The following BLTP2 variants were observed in gnomAD, a reference collection of about 807,000 sequenced individuals.
The protein encoded by BLTP2 is U937-associated antigen.
the BLTP2 span, among the ~76,000 whole-genome samples, chr17:28,626,560 C>A: frequency 6.6e-6 from 1 of 152,138 alleles, no homozygotes. Context: ...AATTTTCAGC[C>A]CCCCACCCAA....
chr17:28,639,785 C>T, the BLTP2 span: 7 of 1,444,656 alleles, frequency 4.8e-6, no homozygotes, highest in Non-Finnish European at 6.8e-6. Context: ...AGTATGTTCC[C>T]TCCTTCCACT....
the BLTP2 span, chr17:28,643,595 A>T: frequency 6.2e-7 from 1 of 1,611,152 alleles, no homozygotes; most frequent in Non-Finnish European, 8.5e-7. Flanking sequence ...AGAAGTGAGA[A>T]TATAGGGTAC....
chr17:28,634,751 A>G, the BLTP2 span: 1 of 1,614,112 alleles, frequency 6.2e-7, no homozygotes, highest in East Asian at 2.2e-5. Flanking sequence ...CGCTGGATGT[A>G]GATTTCAATG....
chr17:28,619,493 C>G, the BLTP2 span, among the ~76,000 whole-genome samples: 1 of 152,074 alleles, frequency 6.6e-6, no homozygotes, highest in Admixed American at 6.6e-5. Flanking sequence ...TGATCCTTCC[C>G]AACTACCCAT....
the BLTP2 span, chr17:28,623,941 T>C: frequency 6.2e-7 from 1 of 1,613,890 alleles, no homozygotes; most frequent in Non-Finnish European, 8.5e-7. Context: ...GACACAGCCT[T>C]CTGTCTCTGC....
the BLTP2 span, chr17:28,634,595 T>G: frequency 1.2e-5 from 20 of 1,614,072 alleles, no homozygotes; most frequent in Non-Finnish European, 1.7e-5. Flanking sequence ...GGAAAAGGGC[T>G]GCCTGGATCA....
chr17:28,621,144 G>C, the BLTP2 span: 1 of 1,614,040 alleles, frequency 6.2e-7, no homozygotes, highest in South Asian at 1.1e-5. Context: ...TGCTGGGCTT[G>C]CTGTGCCTCA....
At chr17:28,615,763 G>A in the BLTP2 span, 15 of 1,614,150 alleles carry the variant, frequency 9.3e-6, no homozygotes, top group East Asian at 2.2e-5. Flanking sequence ...GCAGCACCAG[G>A]TTAAGGTCAC....
the BLTP2 span, chr17:28,633,848 C>A: frequency 6.2e-7 from 1 of 1,605,768 alleles, no homozygotes; most frequent in Non-Finnish European, 8.5e-7. Context: ...CCATTTCACC[C>A]ATCACAAACG....
At chr17:28,641,848 G>C in the BLTP2 span, 1 of 1,553,816 alleles carries the variant, frequency 6.4e-7, no homozygotes, top group Non-Finnish European at 8.8e-7. Flanking sequence ...AACAAACCCT[G>C]AGAACAAGGC....
the BLTP2 span, chr17:28,634,216 G>A: frequency 1.2e-6 from 1 of 817,776 alleles, no homozygotes; most frequent in Non-Finnish European, 1.9e-6. Context: ...AGGGCAGGCA[G>A]TTGACACAGC....
chr17:28,640,806 G>A, the BLTP2 span: 2 of 861,616 alleles, frequency 2.3e-6, no homozygotes, highest in African/African-American at 3.4e-5. Context: ...TGCCTAAGCT[G>A]GATGGACCAT....
At chr17:28,633,241 A>G in the BLTP2 span, 4 of 1,598,342 alleles carry the variant, frequency 2.5e-6, no homozygotes, top group Non-Finnish European at 3.4e-6. Context: ...CTCCAACCTG[A>G]GCCCCTCATC....
chr17:28,617,063 A>T, the BLTP2 span: 18 of 1,304,806 alleles, frequency 1.4e-5, no homozygotes, highest in Middle Eastern at 2.0e-4. Flanking sequence ...GCAACCCACA[A>T]ATCCTCTGCA....
At chr17:28,630,027 A>C in the BLTP2 span, among the ~76,000 whole-genome samples, 1 of 151,908 alleles carries the variant, frequency 6.6e-6, no homozygotes, top group African/African-American at 2.4e-5. Context: ...ATGCCTGGCT[A>C]ATTTTTTTGT....
chr17:28,617,926 A>ATTTTCT, the BLTP2 span, among the ~76,000 whole-genome samples: 1 of 127,654 alleles, frequency 7.8e-6, no homozygotes, highest in Non-Finnish European at 1.7e-5. Context: ...ACCACACCCA[A>ATTTTCT]TTTTCTTTTT....
At chr17:28,628,321 G>A in the BLTP2 span, 16 of 1,614,070 alleles carry the variant, frequency 9.9e-6, no homozygotes, top group Non-Finnish European at 1.4e-5. Flanking sequence ...AACACGAGGT[G>A]GGGCTGAGGC....
the BLTP2 span, among the ~76,000 whole-genome samples, chr17:28,628,929 G>C: frequency 6.7e-6 from 1 of 149,734 alleles, no homozygotes; most frequent in Non-Finnish European, 1.5e-5. Context: ...GAGAGACGCA[G>C]TCTCAAAAAA....
chr17:28,627,299 T>C, the BLTP2 span, among the ~76,000 whole-genome samples: 2 of 152,250 alleles, frequency 1.3e-5, no homozygotes, highest in African/African-American at 4.8e-5. Flanking sequence ...TCTACCCCAT[T>C]TCTACATGTT....
Sources: allele counts gnomAD v4.1 joint callset (sites outside exome capture counted in the v4.1 genomes callset), GRCh38; gene constraint gnomAD v4.1.1; transcripts MANE v1.5; gene names NCBI Gene and HGNC (gene_info 2026-07-23, HGNC 2026-07-21).